Variants in LPO observed in about 807,000 individuals in gnomAD.
The protein encoded by LPO is salivary peroxidase.
Under a neutral mutation model 68.4 loss-of-function variants are expected in LPO, and 70 were observed. The ratio of observed to expected loss-of-function variants is 1.02; its 90% CI spans 0.84 to 1.25. The LOEUF (loss-of-function observed/expected upper bound fraction) is 1.25. Ranked by LOEUF, LPO falls within the 50% of genes most tolerant of loss-of-function variation. The pLI is 0.00. For missense variants in LPO, 873 were observed against 908.4 expected (o/e 0.96, Z 0.50); for synonymous variants, 360 against 357.6 (o/e 1.01, Z -0.08).
intron 8 of LPO, among the ~76,000 whole-genome samples, chr17:58,252,882 G>A (rs1019941585): frequency 7.9e-5 from 12 of 151,736 alleles, no homozygotes; most frequent in African/African-American, 2.9e-4. Context: ...AATTAGCCGG[G>A]CGTGGTGGCA....
chr17:58,250,417 C>T lies in LPO; in HGVS notation c.576C>T (p.Ala192=), dbSNP rs1969936058. Residue 192 remains alanine (A), a splice_region_variant and synonymous_variant, in exon 7 of 13, where the codon GCC becomes GCT. Transcript: ENST00000262290. ...KTRNGFPLPL[A]REVSNKIVGY... Reference sequence around the variant, plus strand: ...TCCCCTTCTCTCTCCATCTGTAGGCCCGGGAGGTATCTAACAAGATTGTTG... The same window carrying T: ...TCCCCTTCTCTCTCCATCTGTAGGCTCGGGAGGTATCTAACAAGATTGTTG... 1.2e-6 allele frequency: 2 copies of T among 1,613,858 alleles called. No homozygotes were observed. The highest frequency in any genetic ancestry group is 1.7e-6 in the Non-Finnish European group (2 of 1,179,808).
chr17:58,251,834 A>G (rs1203809621), intron 7 of LPO: 13 of 563,908 alleles, frequency 2.3e-5, no homozygotes, highest in South Asian at 1.7e-4. Context: ...AAATAAATAC[A>G]TGGCAGCTGT....
intron 1 of LPO, among the ~76,000 whole-genome samples, chr17:58,239,175 C>T (rs910551850): frequency 6.6e-6 from 1 of 151,462 alleles, no homozygotes; most frequent in African/African-American, 2.4e-5. Context: ...GGAGATTTTG[C>T]AGTGTTTTAA....
intron 8 of LPO, 91 bp from the exon 9 acceptor site, chr17:58,254,720 G>T (rs574891064): frequency 1.5e-6 from 2 of 1,327,612 alleles, no homozygotes; most frequent in Non-Finnish European, 2.1e-6. Context: ...GGCGGGGCGC[G>T]GTCCTGTGGG....
At chr17:58,251,891 T>C (rs373254992) in intron 7 of LPO, 12 of 677,358 alleles carry the variant, frequency 1.8e-5, no homozygotes, top group East Asian at 6.2e-5. Flanking sequence ...CGTGTCCTGC[T>C]TTCCTGTCCA....
chr17:58,252,498 T>C lies in LPO; in HGVS notation c.1097T>C (p.Phe366Ser), dbSNP rs371545162. ...FINTTARVPC[F>S]LAGDSRASEH... ...AACACCACTGCCCGTGTGCCCTGCT[T>C]CCTGGCAGGTGAGTCTAGCCTGGGA... Residue 366 changes from phenylalanine to serine, a missense_variant, in exon 8 of 13, where the codon TTC (phenylalanine) becomes TCC (serine). By Grantham distance (155) the Phe-to-Ser change is radical. Transcript: ENST00000262290. 1.9e-6 allele frequency: 3 copies of C among 1,610,700 alleles called. No individual in the cohort carries two copies. In the African/African-American group the frequency reaches 4.0e-5, roughly 22 times the overall value.
Position 58,268,434 on chromosome 17 carries a change from C to T in LPO, c.*440C>T, listed in dbSNP as rs1017599947. 15 of 173,704 alleles carry T rather than the reference C, an allele frequency of 8.6e-5. No homozygotes were observed. The highest frequency in any genetic ancestry group is 2.4e-4 in the African/African-American group (10 of 41,960). 10.8% of individuals were successfully genotyped at this position (173,704 alleles called of 1,614,324 possible). On this transcript the variant is annotated 3_prime_UTR_variant, in exon 13 of 13. Transcript: ENST00000262290. ...GTGCTCAAAAACATCTGATGACTGA[C>T]TAAAGATGCTAGGCGTGACACCGTT...
At chr17:58,251,797 C>T (rs562261459) in intron 7 of LPO, 86 of 528,542 alleles carry the variant, frequency 1.6e-4, no homozygotes, top group African/African-American at 1.4e-3. Flanking sequence ...TTAAAGTATG[C>T]ATAATTCCTG....
intron 1 of LPO, among the ~76,000 whole-genome samples, chr17:58,239,161 T>C (rs1001332555): frequency 1.3e-5 from 2 of 151,654 alleles, no homozygotes; most frequent in African/African-American, 4.8e-5. Context: ...CTCTCCACTA[T>C]AGTGGAGATT....
chr17:58,268,120 C>A lies in LPO; in HGVS notation c.*126C>A, dbSNP rs34853811. On this transcript the variant is annotated 3_prime_UTR_variant, in exon 13 of 13. Transcript: ENST00000262290. ...TTCTTTGCAGCTGGGCCTCTCTATA[C>A]CCCTGGATGAACAGCTTGCTCAGGC... 1 of 968,990 alleles carries A rather than the reference C, an allele frequency of 1.0e-6. No homozygotes were observed. The highest frequency in any genetic ancestry group is 1.5e-6 in the Non-Finnish European group (1 of 657,708). 60.0% of individuals were successfully genotyped at this position (968,990 alleles called of 1,614,324 possible). A position where few individuals can be genotyped will look rare whatever the true frequency, so the allele number is the denominator to read the frequency against.
chr17:58,243,200 T>C lies in LPO; in HGVS notation c.76+145T>C, dbSNP rs1018347846. 10 of 741,360 alleles carry C rather than the reference T, an allele frequency of 1.3e-5. No homozygotes were observed. The African/African-American group carries it at 1.6e-4, about 12-fold the overall frequency. 45.9% of individuals were successfully genotyped at this position (741,360 alleles called of 1,614,324 possible). A position where few individuals can be genotyped will look rare whatever the true frequency, so the allele number is the denominator to read the frequency against. On this transcript the variant is annotated intron_variant, in intron 2 of 12. Transcript: ENST00000262290. ...GGTGTTGGCAGGGCTGTGCTCCCTC[T>C]GAAGGCTCTAGGGAAGAATGCTTCC... is the stretch of plus-strand genomic sequence containing the variant.
chr17:58,241,422 C>A (rs1567815321), intron 1 of LPO, among the ~76,000 whole-genome samples: 2 of 152,022 alleles, frequency 1.3e-5, no homozygotes, highest in African/African-American at 4.8e-5. Context: ...TGTTTTTTAC[C>A]ATAGTTTGTT....
chr17:58,250,310 A>T, intron 6 of LPO, 105 bp from the exon 7 acceptor site: 1 of 865,372 alleles, frequency 1.2e-6, no homozygotes, highest in Non-Finnish European at 1.9e-6. Context: ...TGTAGGGATT[A>T]AGTGCACTTG....
rs750700690 is a variant in LPO, at chr17:58,254,897, A to G, written c.1192A>G (p.Lys398Glu). The G allele has an allele frequency of 4.3e-6, 7 of 1,614,002 alleles. No individual in the cohort carries two copies. The highest frequency in any genetic ancestry group is 2.7e-5 in the African/African-American group (2 of 74,906). The change falls in exon 9 of 13, where the codon AAG becomes GAG. Residue 398 changes from lysine to glutamate, a missense_variant. Physicochemically the swap from Lys to Glu is moderately conservative, Grantham distance 56. Coordinates refer to ENST00000262290, the MANE Select transcript of LPO (RefSeq NM_006151.3). ...GCATAACCGGCTGGCCAGAGAACTA[A>G]AGAGACTCAACCCTCAGTGGGATGG... ...REHNRLAREL[K>E]RLNPQWDGEK...
chr17:58,248,011 G>A (rs1478300855), intron 4 of LPO, among the ~76,000 whole-genome samples: 1 of 152,162 alleles, frequency 6.6e-6, no homozygotes, highest in Non-Finnish European at 1.5e-5. Context: ...TAGTAGAAGA[G>A]ACATTTAAGC....
chr17:58,243,751 T>G, intron 2 of LPO: 1 of 559,496 alleles, frequency 1.8e-6, no homozygotes, highest in Admixed American at 3.1e-5. Context: ...ATCCCATCTC[T>G]GGGCATTCTA....
At chr17:58,244,415 A>C in intron 3 of LPO, 1 of 315,602 alleles carries the variant, frequency 3.2e-6, no homozygotes. Flanking sequence ...TTCTTCATTC[A>C]TCCAGCTGAT....
At chr17:58,256,105 T>C (rs903503038) in intron 9 of LPO, among the ~76,000 whole-genome samples, 2 of 152,246 alleles carry the variant, frequency 1.3e-5, no homozygotes, top group East Asian at 1.9e-4. Flanking sequence ...ATGCAACATG[T>C]ATCCGAGATG....
intron 5 of LPO, 92 bp from the exon 6 acceptor site, chr17:58,249,474 C>G: frequency 2.0e-6 from 3 of 1,508,402 alleles, no homozygotes; most frequent in Non-Finnish European, 2.6e-6. Context: ...TCCCCTCCGC[C>G]TCGAGCAGAG....
Sources: allele counts gnomAD v4.1 joint callset (sites outside exome capture counted in the v4.1 genomes callset), GRCh38; gene constraint gnomAD v4.1.1; transcripts MANE v1.5; gene names NCBI Gene and HGNC (gene_info 2026-07-23, HGNC 2026-07-21).